The following NRG1 variants were observed in gnomAD, a reference collection of about 807,000 sequenced individuals.
NRG1 encodes the protein neuregulin 1.
Under a neutral mutation model 63.8 loss-of-function variants are expected in NRG1, and 18 were observed. The ratio of observed to expected loss-of-function variants is 0.28; its 90% CI spans 0.19 to 0.42. The LOEUF is 0.42. Ranked by LOEUF, NRG1 falls within the 10% of genes least tolerant of loss-of-function variation. NRG1 has a pLI of 1.00. For synonymous variants in NRG1, 302 were observed against 301.3 expected (o/e 1.00, Z -0.02); for missense variants, 762 against 814.7 (o/e 0.94, Z 0.79).
At chr8:31,975,725 C>T (rs1407686181) in intron 1 of NRG1, among the ~76,000 whole-genome samples, 1 of 152,156 alleles carries the variant, frequency 6.6e-6, no homozygotes, top group Non-Finnish European at 1.5e-5. Context: ...GTGTAGACTT[C>T]TCCACATGCT....
chr8:31,723,631 TC>T (rs1813139035), intron 1 of NRG1, among the ~76,000 whole-genome samples: 3 of 152,232 alleles, frequency 2.0e-5, no homozygotes, highest in Admixed American at 6.6e-5. Context: ...CAGAGCCTCT[TC>T]TTTAACTGTA....
downstream of NRG1, among the ~76,000 whole-genome samples, chr8:32,769,994 A>C (rs1181043152): frequency 6.6e-6 from 1 of 152,216 alleles, no homozygotes; most frequent in African/African-American, 2.4e-5. Context: ...AGGAGAAGGA[A>C]ACCAGTAATT....
intron 1 of NRG1, among the ~76,000 whole-genome samples, chr8:32,195,895 TG>T (rs1842903056): frequency 6.6e-6 from 1 of 152,196 alleles, no homozygotes; most frequent in African/African-American, 2.4e-5. Flanking sequence ...TACAGGATCC[TG>T]GAATGACTCA....
At chr8:32,168,280 T>C (rs1405369998) in intron 1 of NRG1, among the ~76,000 whole-genome samples, 1 of 152,162 alleles carries the variant, frequency 6.6e-6, no homozygotes, top group Non-Finnish European at 1.5e-5. Context: ...AAAAAATCAA[T>C]TCAACAAAAA....
chr8:31,710,569 C>G (rs549016340), intron 1 of NRG1, among the ~76,000 whole-genome samples: 12 of 152,084 alleles, frequency 7.9e-5, no homozygotes, highest in Middle Eastern at 3.4e-3. Context: ...GTGAATTACA[C>G]TCTCTTGAGT....
chr8:31,785,596 A>G (rs1457851549), intron 1 of NRG1, among the ~76,000 whole-genome samples: 1 of 152,186 alleles, frequency 6.6e-6, no homozygotes, highest in Non-Finnish European at 1.5e-5. Context: ...ATTACATTTG[A>G]GGTGTGTTTT....
intron 1 of NRG1, among the ~76,000 whole-genome samples, chr8:32,490,717 TTTG>T (rs775796710): frequency 5.3e-5 from 8 of 152,308 alleles, no homozygotes; most frequent in Non-Finnish European, 1.2e-4. Flanking sequence ...TAACACCCTT[TTTG>T]TGTTCAAGTT....
intron 5 of NRG1, among the ~76,000 whole-genome samples, chr8:32,646,112 C>G (rs1289008211): frequency 1.3e-5 from 2 of 152,158 alleles, no homozygotes; most frequent in Non-Finnish European, 2.9e-5. Flanking sequence ...CGCATCATAA[C>G]TCTGTTACTT....
intron 1 of NRG1, among the ~76,000 whole-genome samples, chr8:31,939,776 C>A (rs994400588): frequency 7.3e-6 from 1 of 137,816 alleles, no homozygotes; most frequent in East Asian, 1.9e-4. Context: ...ATTCTTATAT[C>A]AGAATAAACA....
intron 1 of NRG1, among the ~76,000 whole-genome samples, chr8:32,106,530 G>A (rs1831281985): frequency 6.6e-6 from 1 of 152,132 alleles, no homozygotes. Context: ...CATACAGTTG[G>A]AATCAGTGCC....
chr8:31,849,984 T>C (rs959553977), intron 1 of NRG1, among the ~76,000 whole-genome samples: 3 of 152,082 alleles, frequency 2.0e-5, no homozygotes, highest in Non-Finnish European at 4.4e-5. Flanking sequence ...AAATAAAATA[T>C]AGAAGTGTTC....
intron 1 of NRG1, among the ~76,000 whole-genome samples, chr8:32,474,265 A>G (rs1002277978): frequency 2.6e-5 from 4 of 152,168 alleles, no homozygotes. Context: ...CCATTCCTCA[A>G]AACATTCTGG....
intron 1 of NRG1, among the ~76,000 whole-genome samples, chr8:32,506,350 A>T (rs1277006492): frequency 6.6e-6 from 1 of 152,184 alleles, no homozygotes; most frequent in African/African-American, 2.4e-5. Context: ...TTTCTTTTTT[A>T]TTGGGGACCC....
intron 1 of NRG1, among the ~76,000 whole-genome samples, chr8:32,246,833 A>G (rs1472561177): frequency 6.6e-6 from 1 of 151,944 alleles, no homozygotes; most frequent in Non-Finnish European, 1.5e-5. Flanking sequence ...TGGGGAGGTG[A>G]TGGTCAAAGG....
intron 1 of NRG1, among the ~76,000 whole-genome samples, chr8:32,356,507 G>T: frequency 7.8e-6 from 1 of 128,702 alleles, no homozygotes; most frequent in African/African-American, 3.2e-5. Flanking sequence ...CCACCCCGTT[G>T]ATATCCTAAA....
At chr8:31,965,562 T>G (rs1806182780) in intron 1 of NRG1, among the ~76,000 whole-genome samples, 1 of 152,188 alleles carries the variant, frequency 6.6e-6, no homozygotes, top group Admixed American at 6.5e-5. Context: ...TTCTTTTGGA[T>G]AAATACCCAG....
intron 1 of NRG1, among the ~76,000 whole-genome samples, chr8:32,357,349 G>A (rs997900239): frequency 2.0e-5 from 3 of 152,174 alleles, no homozygotes; most frequent in Non-Finnish European, 4.4e-5. Flanking sequence ...AATCATGGAG[G>A]ACAGCAGTGG....
At chr8:31,978,355 T>G (rs1427196909) in intron 1 of NRG1, among the ~76,000 whole-genome samples, 2 of 152,140 alleles carry the variant, frequency 1.3e-5, no homozygotes, top group Non-Finnish European at 2.9e-5. Context: ...TGTTTGATTT[T>G]TATGTGTATG....
intron 1 of NRG1, among the ~76,000 whole-genome samples, chr8:32,518,827 A>C (rs1321654381): frequency 1.3e-5 from 2 of 152,234 alleles, no homozygotes; most frequent in Non-Finnish European, 2.9e-5. Flanking sequence ...AGATGTGAAT[A>C]AGATCAGATG....
Sources: gnomAD v4.1 joint callset for allele counts (sites outside exome capture counted in the v4.1 genomes callset) on GRCh38, gnomAD v4.1.1 for gene constraint, MANE v1.5 for transcripts, NCBI Gene and HGNC (gene_info 2026-07-23, HGNC 2026-07-21) for gene names.